The following P2RY8 variants were observed in gnomAD, a reference collection of about 807,000 sequenced individuals.
P2RY8 encodes P2Y receptor family member 8, also known as S-geranylgeranyl-glutathione receptor P2RY8.
A neutral mutation model predicts 10.0 loss-of-function variants in P2RY8; 6 were observed. The observed-to-expected ratio is 0.60, with a 90% confidence interval of 0.33 to 1.19. P2RY8 has a LOEUF of 1.19. P2RY8 is among the 50% of genes most tolerant of loss of function. The pLI is 0.04. For missense variants in P2RY8, 456 were observed against 542.0 expected (o/e 0.84, Z 1.58); for synonymous variants, 276 against 252.5 (o/e 1.09, Z -0.88).
At chrX:1,524,141 G>A (rs1295934133) in intron 1 of P2RY8, among the ~76,000 whole-genome samples, 3 of 152,152 alleles carry the variant, frequency 2.0e-5, no homozygotes, top group African/African-American at 7.2e-5. Flanking sequence ...CATCTGCAAT[G>A]TAGCGATGGG....
chrX:1,506,205 C>G (rs28595596), intron 1 of P2RY8, among the ~76,000 whole-genome samples: 4 of 151,926 alleles, frequency 2.6e-5, no homozygotes, highest in African/African-American at 9.7e-5. Flanking sequence ...GTTGGCCAGG[C>G]TGGTCTCGAA....
At chrX:1,470,539 T>C (rs2091771384) in intron 1 of P2RY8, among the ~76,000 whole-genome samples, 1 of 151,474 alleles carries the variant, frequency 6.6e-6, no homozygotes, top group Non-Finnish European at 1.5e-5. Flanking sequence ...CAAAAACCCT[T>C]CAGAACCCCA....
chrX:1,532,384 G>T (rs189011844), intron 1 of P2RY8, among the ~76,000 whole-genome samples: 1 of 138,570 alleles, frequency 7.2e-6, no homozygotes, highest in Non-Finnish European at 1.6e-5. Context: ...TATGATGTGT[G>T]TATATGCACA....
intron 1 of P2RY8, among the ~76,000 whole-genome samples, chrX:1,517,462 T>G (rs1215169479): frequency 7.9e-5 from 12 of 152,158 alleles, no homozygotes; most frequent in Non-Finnish European, 1.6e-4. Flanking sequence ...GTGTGCCTTG[T>G]GGGCAGTCCC....
At chrX:1,507,038 G>GAAGC in intron 1 of P2RY8, among the ~76,000 whole-genome samples, 1 of 152,146 alleles carries the variant, frequency 6.6e-6, no homozygotes, top group Non-Finnish European at 1.5e-5. Context: ...TGGATTCAGG[G>GAAGC]GTCCTAGGAG....
At chrX:1,513,975 A>C in intron 1 of P2RY8, among the ~76,000 whole-genome samples, 1 of 152,150 alleles carries the variant, frequency 6.6e-6, no homozygotes, top group African/African-American at 2.4e-5. Flanking sequence ...ATCTTCAAAG[A>C]CTTTTTCAGC....
chrX:1,470,593 C>CT, intron 1 of P2RY8, among the ~76,000 whole-genome samples: 1 of 152,010 alleles, frequency 6.6e-6, no homozygotes, highest in East Asian at 1.9e-4. Context: ...CCCTGTGAAC[C>CT]TCAAATCTGC....
At position 1,463,170 on chromosome X, in the gene P2RY8, GT is replaced by G. The variant is rs1299067489; in HGVS notation, c.*2308del. 4.9e-4 allele frequency: 115 copies of G among 232,990 alleles called. No homozygotes were observed. Among genetic ancestry groups the G allele is most frequent in the African/African-American group, 1.6e-3 (72 of 45,370 alleles). 14.4% of individuals were successfully genotyped at this position (232,990 alleles called of 1,614,324 possible). ...AGATGCTACTCTGAGGTTTTTCACAGTTTTTTTTCCCCCATGAGACACACCC... is the reference window on the plus strand; with the variant it reads ...AGATGCTACTCTGAGGTTTTTCACAGTTTTTTTCCCCCATGAGACACACCC... On this transcript the variant is annotated 3_prime_UTR_variant, in exon 2 of 2. Coordinates refer to ENST00000381297, the MANE Select transcript of P2RY8 (RefSeq NM_178129.5).
intron 1 of P2RY8, among the ~76,000 whole-genome samples, chrX:1,532,156 C>T (rs768348095): frequency 6.6e-6 from 1 of 152,070 alleles, no homozygotes; most frequent in African/African-American, 2.4e-5. Flanking sequence ...ATGTTTATAG[C>T]AGCACAATTT....
intron 1 of P2RY8, among the ~76,000 whole-genome samples, chrX:1,524,085 G>A (rs1421706216): frequency 1.3e-5 from 2 of 152,224 alleles, no homozygotes; most frequent in African/African-American, 2.4e-5. Context: ...TTTGGCATTG[G>A]AGTGTCTACA....
At chrX:1,536,043 C>T (rs1482788294) in intron 1 of P2RY8, among the ~76,000 whole-genome samples, 1 of 152,070 alleles carries the variant, frequency 6.6e-6, no homozygotes, top group African/African-American at 2.4e-5. Flanking sequence ...ACCCATAGGG[C>T]TTTAAAACCC....
In P2RY8 at chrX:1,537,167, G is replaced by T. The variant is rs2149420408; in HGVS notation, c.-271C>A. 2 of 232,840 alleles carry T rather than the reference G, an allele frequency of 8.6e-6. No homozygotes were observed. Among genetic ancestry groups the T allele is most frequent in the East Asian group, 1.2e-4 (2 of 16,526 alleles). 14.4% of individuals were successfully genotyped at this position (232,840 alleles called of 1,614,324 possible). A position where few individuals can be genotyped will look rare whatever the true frequency, so the allele number is the denominator to read the frequency against. ...CGCTTCGCTGGGTGGCCCACCGGCT[G>T]GCACGACTGTCTCCGAATGCAAATT... On this transcript the variant is annotated 5_prime_UTR_variant, in exon 1 of 2. Transcript: ENST00000381297.
At chrX:1,501,547 A>G (rs1218937725) in intron 1 of P2RY8, among the ~76,000 whole-genome samples, 3 of 151,930 alleles carry the variant, frequency 2.0e-5, no homozygotes, top group Non-Finnish European at 4.4e-5. Flanking sequence ...TTTTGTAGAC[A>G]TAGGGGTCTC....
At chrX:1,472,388 A>ATGGCTAGATGCATAGATGGG (rs1305349746) in intron 1 of P2RY8, among the ~76,000 whole-genome samples, 2 of 144,378 alleles carry the variant, frequency 1.4e-5, no homozygotes, top group Non-Finnish European at 1.5e-5. Context: ...GGGTGGATGG[A>ATGGCTAGATGCATAGATGGG]TGGGTAGATG....
chrX:1,513,260 C>T (rs1298232940), intron 1 of P2RY8, among the ~76,000 whole-genome samples: 21 of 151,372 alleles, frequency 1.4e-4, no homozygotes, highest in African/African-American at 4.8e-4. Context: ...TTTTTTTATC[C>T]AGTCTATCAT....
At chrX:1,532,510 G>GTATATGATGTGTGTATATATGTATAT (rs1569538971) in intron 1 of P2RY8, among the ~76,000 whole-genome samples, 1 of 125,178 alleles carries the variant, frequency 8.0e-6, no homozygotes, top group Non-Finnish European at 1.7e-5. Context: ...TATATGTATA[G>GTATATGATGTGTGTATATATGTATAT]ATGTATATGA....
chrX:1,474,556 GTGGATGGATGGATGGATGGA>G (rs768305692), intron 1 of P2RY8, among the ~76,000 whole-genome samples: 1,976 of 86,778 alleles, frequency 0.023, 217 homozygotes, highest in African/African-American at 0.093. Context: ...GTATGGGTGT[GTGGATGGATGGATGGATGGA>G]TGGATGGATG....
intron 1 of P2RY8, among the ~76,000 whole-genome samples, chrX:1,490,331 A>C (rs1331194508): frequency 2.8e-5 from 4 of 143,642 alleles, no homozygotes; most frequent in Non-Finnish European, 6.1e-5. Context: ...CCCCAGATTC[A>C]CTTCTGCAAA....
At position 1,529,075 on chromosome X, in the gene P2RY8, C is replaced by A. The variant is rs139383251; in HGVS notation, c.-25+7846G>T. 3.6e-3 allele frequency among the ~76,000 whole-genome samples: 547 copies of A among 152,266 alleles called. 8 individuals are homozygous for A. The highest frequency in any genetic ancestry group is 0.021 in the East Asian group (111 of 5,182). Reference sequence around the variant, plus strand: ...AGCATTTAGTCCTCGGGCAGATAAGCATGTTTGATGAGAATAACACGTACA... The same window carrying A: ...AGCATTTAGTCCTCGGGCAGATAAGAATGTTTGATGAGAATAACACGTACA... On this transcript the variant is annotated intron_variant, in intron 1 of 1. Coordinates refer to ENST00000381297, the MANE Select transcript of P2RY8 (RefSeq NM_178129.5).
Sources: allele counts gnomAD v4.1 joint callset (sites outside exome capture counted in the v4.1 genomes callset), GRCh38; gene constraint gnomAD v4.1.1; transcripts MANE v1.5; gene names NCBI Gene and HGNC (gene_info 2026-07-23, HGNC 2026-07-21).